Variants in CHD6 observed in about 807,000 individuals in gnomAD.
CHD6 encodes the protein chromodomain helicase DNA binding protein 6, also known as ATP-dependent chromatin remodeler CHD6.
In CHD6, 50 loss-of-function variants were observed where a neutral mutation model predicts 276.9. That is an observed-to-expected ratio of 0.18 (90% CI 0.14 to 0.23). The LOEUF is 0.23. CHD6 is among the 10% of genes least tolerant of loss of function. The probability of loss-of-function intolerance (pLI) is 1.00; values close to 1 mark genes in which losing one functional copy is unlikely to be tolerated. For missense variants in CHD6, 2,564 were observed against 3,365.8 expected (o/e 0.76, Z 5.89); for synonymous variants, 1,173 against 1,229.3 (o/e 0.95, Z 0.96).
At chr20:41,593,608 G>A (rs6072439) in intron 1 of CHD6, among the ~76,000 whole-genome samples, 53,759 of 152,044 alleles carry the variant, frequency 0.35, 12,314 homozygotes, top group African/African-American at 0.63. Context: ...GGTGTTATAA[G>A]CTGCAGTGTC....
chr20:41,416,711 G>C lies in CHD6; in HGVS notation c.6363C>G (p.Pro2121=), dbSNP rs1316209750. 2 of 1,613,838 alleles carry C rather than the reference G, an allele frequency of 1.2e-6. No individual in the cohort carries two copies. Among genetic ancestry groups the C allele is most frequent in the East Asian group, 4.5e-5 (2 of 44,856 alleles). Residue 2121 remains proline, a synonymous_variant, in exon 33 of 37, where the codon CCC becomes CCG. Coordinates refer to ENST00000373233, the MANE Select transcript of CHD6 (RefSeq NM_032221.5). ...GKWPSSQQYE[P]SGTLPTPVLT... ...ATACCGGGGTGGGCAGTGTGCCTGA[G>C]GGCTCATACTGCTGGCTAGAGGGCC...
At chr20:41,463,922 G>T (rs1600923887) in intron 17 of CHD6, among the ~76,000 whole-genome samples, 1 of 152,146 alleles carries the variant, frequency 6.6e-6, no homozygotes, top group East Asian at 1.9e-4. Flanking sequence ...GTATTTAGGG[G>T]ACAAGGGGGT....
At position 41,533,227 on chromosome 20, in the gene CHD6, T is replaced by A. The variant is rs1387550437; in HGVS notation, c.377A>T (p.Glu126Val). Residue 126 changes from glutamate (E) to valine (V), a missense_variant, in exon 3 of 37, where the codon GAG becomes GTG. This residue lies in a region of CHD6 where 286 missense variants were observed against 297.8 expected (regional missense o/e 0.96). Transcript: ENST00000373233. The stretch of plus-strand genomic sequence containing the variant: ...CTTGGCCTTTCTGGGTTCCTTTGGC[T>A]CTTTCGGTTCTCGTTTCCTCTTTGG... ...PKPKRKREPK[E>V]PKEPRKAKEP... The A allele has an allele frequency of 6.2e-7, 1 of 1,613,564 alleles. No individual in the cohort carries two copies. Among genetic ancestry groups the A allele is most frequent in the Non-Finnish European group, 8.5e-7 (1 of 1,179,988 alleles).
At chr20:41,616,690 T>G (rs1178591462) in intron 1 of CHD6, among the ~76,000 whole-genome samples, 3 of 152,232 alleles carry the variant, frequency 2.0e-5, no homozygotes, top group Non-Finnish European at 4.4e-5. Flanking sequence ...AAAGATGCAT[T>G]GCTTATATGA....
At chr20:41,476,611 G>A (rs1214002496) in intron 16 of CHD6, among the ~76,000 whole-genome samples, 1 of 152,138 alleles carries the variant, frequency 6.6e-6, no homozygotes, top group Non-Finnish European at 1.5e-5. Context: ...TGAAGGCTTG[G>A]TAACATAACA....
Position 41,443,528 on chromosome 20 carries a change from C to T in CHD6, c.3877+2137G>A, listed in dbSNP as rs2047964868. On this transcript the variant is annotated intron_variant, in intron 25 of 36. Coordinates refer to ENST00000373233, the MANE Select transcript of CHD6 (RefSeq NM_032221.5). ...ATGACCCCCTTTCTTCCAAATTATG[C>T]TTTTTGCCTCACAGACTGTGTGTGA... Among the ~76,000 whole-genome samples, 3 of 152,256 alleles carry T rather than the reference C, an allele frequency of 2.0e-5. No homozygotes were observed. The South Asian group carries it at 6.2e-4, about 32-fold the overall frequency.
At chr20:41,615,665 T>C (rs918575329) in intron 1 of CHD6, among the ~76,000 whole-genome samples, 5 of 152,248 alleles carry the variant, frequency 3.3e-5, no homozygotes, top group Admixed American at 2.6e-4. Context: ...ACCAAAGATA[T>C]TTCTGCAGGT....
intron 31 of CHD6, 133 bp downstream of exon 31, chr20:41,420,375 T>G: frequency 8.4e-6 from 8 of 950,296 alleles, no homozygotes; most frequent in Non-Finnish European, 1.3e-5. Flanking sequence ...CCAAGGCCTA[T>G]GACCTTTGGT....
chr20:41,483,113 T>A (rs1272612602), intron 16 of CHD6, among the ~76,000 whole-genome samples, 196 bp downstream of exon 16: 5 of 152,176 alleles, frequency 3.3e-5, no homozygotes, highest in Non-Finnish European at 7.3e-5. Flanking sequence ...GTCATGAAAT[T>A]TACTCTTGAC....
chr20:41,440,194 T>C, intron 25 of CHD6, 65 bp from the exon 26 acceptor site: 1 of 1,472,792 alleles, frequency 6.8e-7, no homozygotes, highest in Non-Finnish European at 9.4e-7. Context: ...CTTTGGGCAC[T>C]AGTCTTTTTG....
chr20:41,523,651 T>G (rs768412484), intron 3 of CHD6, among the ~76,000 whole-genome samples: 41 of 142,246 alleles, frequency 2.9e-4, no homozygotes, highest in Non-Finnish European at 5.1e-4. Flanking sequence ...TTGTTTTTTG[T>G]TTTTTTTTTT....
intron 13 of CHD6, 45 bp downstream of exon 13, chr20:41,488,383 G>C (rs1389652011): frequency 6.5e-7 from 1 of 1,527,182 alleles, no homozygotes; most frequent in Non-Finnish European, 8.9e-7. Context: ...CCTCCAAGCT[G>C]AACAAAAGGA....
intron 14 of CHD6, among the ~76,000 whole-genome samples, chr20:41,487,177 G>T (rs761084826): frequency 6.6e-6 from 1 of 152,204 alleles, no homozygotes. Flanking sequence ...AAATGCAGTT[G>T]ATCTGGACAA....
intron 1 of CHD6, among the ~76,000 whole-genome samples, chr20:41,591,745 T>G (rs752855968): frequency 6.6e-6 from 1 of 151,622 alleles, no homozygotes; most frequent in Non-Finnish European, 1.5e-5. Flanking sequence ...GCTGCAACCA[T>G]TCAAGGATTT....
intron 17 of CHD6, among the ~76,000 whole-genome samples, chr20:41,469,373 TAAG>T (rs2145763669): frequency 6.6e-6 from 1 of 152,170 alleles, no homozygotes; most frequent in East Asian, 1.9e-4. Flanking sequence ...CCCCAGAGAA[TAAG>T]AAGCAGAAGT....
At position 41,413,517 on chromosome 20, in the gene CHD6, TG is replaced by T; in HGVS notation, c.6940-3del. Reference sequence around the variant, plus strand: ...CTGCCCTGGGTCTTCATGGACTTCCTGGATGAAGGAAAAACGAGTATGTATA... The same window carrying T: ...CTGCCCTGGGTCTTCATGGACTTCCTGATGAAGGAAAAACGAGTATGTATA... On this transcript the variant is annotated splice_polypyrimidine_tract_variant and splice_region_variant and intron_variant, in intron 34 of 36. Transcript: ENST00000373233. 6.5e-7 allele frequency: 1 copy of T among 1,538,806 alleles called. No individual in the cohort carries two copies. The highest frequency in any genetic ancestry group is 1.2e-5 in the South Asian group (1 of 81,410).
chr20:41,426,538 G>T (rs555528328), intron 27 of CHD6, among the ~76,000 whole-genome samples: 1 of 152,246 alleles, frequency 6.6e-6, no homozygotes, highest in Admixed American at 6.5e-5. Context: ...TTTCACAAAG[G>T]TTGTGCCTGC....
intron 1 of CHD6, among the ~76,000 whole-genome samples, chr20:41,581,674 C>CA (rs11312840): frequency 3.6e-3 from 480 of 134,940 alleles, no homozygotes; most frequent in East Asian, 4.2e-3. Flanking sequence ...GACTCCATCT[C>CA]AAAAAAAAAA....
At chr20:41,411,422 C>G (rs563419352) in intron 36 of CHD6, among the ~76,000 whole-genome samples, 1 of 151,718 alleles carries the variant, frequency 6.6e-6, no homozygotes, top group Admixed American at 6.6e-5. Flanking sequence ...TATGGAACAA[C>G]CTGGGAAAGG....
Sources: gnomAD v4.1 joint callset for allele counts (sites outside exome capture counted in the v4.1 genomes callset) on GRCh38, gnomAD v4.1.1 for gene constraint, gnomAD v4.1.1 regional missense constraint, MANE v1.5 for transcripts, NCBI Gene and HGNC (gene_info 2026-07-23, HGNC 2026-07-21) for gene names.